Variants in SIN3B observed in about 807,000 individuals in gnomAD.
SIN3B encodes the protein paired amphipathic helix protein Sin3b.
SIN3B carries 19 observed loss-of-function variants against 120.2 expected under a neutral mutation model. The ratio of observed to expected loss-of-function variants is 0.16; its 90% CI spans 0.11 to 0.23. The LOEUF (loss-of-function observed/expected upper bound fraction) is 0.23. SIN3B is among the 10% of genes least tolerant of loss of function. The probability of loss-of-function intolerance (pLI) is 1.00; values close to 1 mark genes in which losing one functional copy is unlikely to be tolerated. For synonymous variants in SIN3B, 654 were observed against 653.2 expected, an observed-to-expected ratio of 1.00 and a Z score of -0.02; for missense variants, 1,073 against 1,573.0, an observed-to-expected ratio of 0.68 and a Z score of 5.38.
intron 14 of SIN3B, 146 bp from the exon 15 acceptor site, chr19:16,875,909 G>A (rs2051598182): frequency 1.0e-6 from 1 of 991,564 alleles, no homozygotes; most frequent in African/African-American, 1.6e-5. Context: ...TCTGCCCACA[G>A]CCTGTCAGGA....
intron 5 of SIN3B, among the ~76,000 whole-genome samples, chr19:16,847,873 G>A (rs1186659179): frequency 1.3e-5 from 2 of 152,244 alleles, no homozygotes; most frequent in African/African-American, 4.8e-5. Flanking sequence ...TCATCCCCCT[G>A]AAAGGAGACC....
intron 14 of SIN3B, among the ~76,000 whole-genome samples, chr19:16,873,432 G>A (rs1424045172): frequency 1.3e-5 from 2 of 152,086 alleles, no homozygotes; most frequent in African/African-American, 2.4e-5. Flanking sequence ...AAACACGCAC[G>A]GGGCAGCCTG....
rs551489883 is a variant in SIN3B, at chr19:16,847,203, T to C, written c.726+90T>C. The stretch of plus-strand genomic sequence containing the variant: ...TTGACCCATGTCCGGGCCAAGCCTA[T>C]GTACCCTCCAGGCCACACTAGGGTC... On this transcript the variant is annotated intron_variant, in intron 5 of 18. Transcript: ENST00000248054. 2.8e-6 allele frequency: 4 copies of C among 1,447,014 alleles called. No homozygotes were observed. The East Asian group carries it at 6.9e-5, about 25-fold the overall frequency. The allele number at this position is 1,447,014 out of a possible 1,614,324, so 89.6% of individuals were successfully genotyped here.
rs200505405 is a variant in SIN3B, at chr19:16,875,668, TTGGTC to T, written c.2593-361_2593-357del. Reference sequence around the variant, plus strand: ...TTTGGTCTGGTCTGGTCTGGTCTGTTTGGTCTGGTCTGGTCTGGTCTGGTCTGGTC... The same window carrying T: ...TTTGGTCTGGTCTGGTCTGGTCTGTTTGGTCTGGTCTGGTCTGGTCTGGTC... On this transcript the variant is annotated intron_variant, in intron 14 of 18. Coordinates refer to ENST00000248054, the MANE Select transcript of SIN3B (RefSeq NM_001297595.2). Among the ~76,000 whole-genome samples the T allele has an allele frequency of 5.6e-3, 819 of 146,860 alleles. 4 individuals are homozygous for T. Among genetic ancestry groups the T allele is most frequent in the East Asian group, 0.014 (68 of 4,920 alleles).
At position 16,876,304 on chromosome 19, in the gene SIN3B, G is replaced by A; in HGVS notation, c.2766+76G>A. The A allele has an allele frequency of 6.6e-7, 1 of 1,521,306 alleles. No individual in the cohort carries two copies. The highest frequency in any genetic ancestry group is 2.3e-5 in the East Asian group (1 of 43,880). The allele number at this position is 1,521,306 out of a possible 1,614,324, so 94.2% of individuals were successfully genotyped here. On this transcript the variant is annotated intron_variant, in intron 15 of 18. Transcript: ENST00000248054. This position sits in a 1 kb window ranked among gnomAD's most constrained non-coding sequence, Gnocchi z 7.1. ...TCCGCTCTGGACTCAGTCCTGGGTG[G>A]ACCCTGGTTCAGCGGCTGGGACACC...
rs779503558 is a variant in SIN3B, at chr19:16,876,029, C to T, written c.2593-26C>T. 351 of 1,534,064 alleles carry T rather than the reference C, an allele frequency of 2.3e-4. 1 individual carries two copies. Among genetic ancestry groups the T allele is most frequent in the Middle Eastern group, 8.7e-4 (5 of 5,726 alleles). On this transcript the variant is annotated intron_variant, in intron 14 of 18. Coordinates refer to ENST00000248054, the MANE Select transcript of SIN3B (RefSeq NM_001297595.2). The surrounding 1 kb of genome is among the most constrained non-coding windows in gnomAD (Gnocchi z 7.1). ...GGACTCCCGCAGGAGGCGGGGTGGC[C>T]GCACCACCTGCTTTCCTCCCGCCAG...
rs1227572766 is a variant in SIN3B at position 16,862,252 on chromosome 19, G to C, written c.1059-100G>C. On this transcript the variant is annotated intron_variant, in intron 8 of 18. Coordinates refer to ENST00000248054, the MANE Select transcript of SIN3B (RefSeq NM_001297595.2). The surrounding 1 kb of genome is among the most constrained non-coding windows in gnomAD (Gnocchi z 4.7). Reference sequence around the variant, plus strand: ...ATCCATGATGTTGAATTCTGACTCTGTTTAACTTGTAATGTCCACATGAAG... The same window carrying C: ...ATCCATGATGTTGAATTCTGACTCTCTTTAACTTGTAATGTCCACATGAAG... The C allele has an allele frequency of 1.1e-6, 1 of 906,594 alleles. No individual in the cohort carries two copies. Among genetic ancestry groups the C allele is most frequent in the Non-Finnish European group, 1.7e-6 (1 of 581,224 alleles). The allele number at this position is 906,594 out of a possible 1,614,324, so 56.2% of individuals were successfully genotyped here.
Position 16,841,714 on chromosome 19 carries a change from T to C in SIN3B, c.382-54T>C, listed in dbSNP as rs367743348. 84 of 1,546,356 alleles carry C rather than the reference T, an allele frequency of 5.4e-5. No individual in the cohort carries two copies. In the East Asian group the frequency reaches 9.5e-4, roughly 17 times the overall value. On this transcript the variant is annotated intron_variant, in intron 3 of 18. Coordinates refer to ENST00000248054, the MANE Select transcript of SIN3B (RefSeq NM_001297595.2). ...AGACAGTGGCTGGGCCTGGTGTTTT[T>C]CACAATCTGTTTCCAGTGTCGGGCC...
intron 5 of SIN3B, among the ~76,000 whole-genome samples, chr19:16,850,523 C>T (rs961380684): frequency 6.6e-6 from 1 of 152,052 alleles, no homozygotes; most frequent in Non-Finnish European, 1.5e-5. Flanking sequence ...AGTATCTGAT[C>T]GCTGCGGGCT....
chr19:16,860,468 TG>T (rs1020274912), intron 8 of SIN3B, among the ~76,000 whole-genome samples: 1 of 152,060 alleles, frequency 6.6e-6, no homozygotes, highest in African/African-American at 2.4e-5. Flanking sequence ...TGAGCAGGGT[TG>T]GCATAGGGTT....
At chr19:16,847,477 T>C (rs1011036129) in intron 5 of SIN3B, among the ~76,000 whole-genome samples, 7 of 152,252 alleles carry the variant, frequency 4.6e-5, no homozygotes, top group Admixed American at 1.3e-4. Context: ...GCAGGAGGGC[T>C]GGGTCCACAA....
In SIN3B at chr19:16,876,017, A is replaced by AGGC; in HGVS notation, c.2593-35_2593-33dup. The AGGC allele has an allele frequency of 6.6e-7, 1 of 1,526,254 alleles. No homozygotes were observed. Among genetic ancestry groups the AGGC allele is most frequent in the Non-Finnish European group, 8.8e-7 (1 of 1,134,170 alleles). 94.5% of individuals were successfully genotyped at this position (1,526,254 alleles called of 1,614,324 possible). ...TGGGTGAGGTGGGGACTCCCGCAGG[A>AGGC]GGCGGGGTGGCCGCACCACCTGCTT... On this transcript the variant is annotated intron_variant, in intron 14 of 18. Coordinates refer to ENST00000248054, the MANE Select transcript of SIN3B (RefSeq NM_001297595.2). The surrounding 1 kb of genome is among the most constrained non-coding windows in gnomAD (Gnocchi z 7.1).
chr19:16,870,263 C>T (rs1211287770), intron 13 of SIN3B, among the ~76,000 whole-genome samples, 188 bp downstream of exon 13: 2 of 152,234 alleles, frequency 1.3e-5, no homozygotes, highest in African/African-American at 2.4e-5. Flanking sequence ...ACCCCTCGCC[C>T]AGGCTCCCCT....
At chr19:16,838,633 C>T (rs1006271811) in intron 3 of SIN3B, among the ~76,000 whole-genome samples, 2 of 152,080 alleles carry the variant, frequency 1.3e-5, no homozygotes, top group African/African-American at 4.8e-5. Context: ...AGTGCTGCAA[C>T]GAACATTCAT....
rs1333507772 is a variant in SIN3B, at chr19:16,857,258, C to T, written c.1058+2997C>T. 2.0e-5 allele frequency among the ~76,000 whole-genome samples: 3 copies of T among 152,174 alleles called. No homozygotes were observed. In the South Asian group the frequency reaches 6.2e-4, roughly 31 times the overall value. On this transcript the variant is annotated intron_variant, in intron 8 of 18. Coordinates refer to ENST00000248054, the MANE Select transcript of SIN3B (RefSeq NM_001297595.2). ...CCAAAGATTCATTTGATGAATCTGA[C>T]TGTTCCAAAATAGACGATTCTGGTG... is the stretch of plus-strand genomic sequence containing the variant.
intron 8 of SIN3B, among the ~76,000 whole-genome samples, chr19:16,860,119 G>A (rs941245925): frequency 6.6e-6 from 1 of 152,206 alleles, no homozygotes; most frequent in African/African-American, 2.4e-5. Context: ...AGGGCGTTTG[G>A]GGAAGGGTCT....
Position 16,862,860 on chromosome 19 carries a change from T to C in SIN3B, c.1266+301T>C. 1.3e-6 allele frequency: 2 copies of C among 1,584,704 alleles called. No homozygotes were observed. The highest frequency in any genetic ancestry group is 1.7e-6 in the Non-Finnish European group (2 of 1,153,218). Reference sequence around the variant, plus strand: ...TGATTCTGCTCTGTCCCGGGCTCACTGACCTCAGTGTGTTTCTGTTTAGCT... The same window carrying C: ...TGATTCTGCTCTGTCCCGGGCTCACCGACCTCAGTGTGTTTCTGTTTAGCT... On this transcript the variant is annotated intron_variant, in intron 9 of 18. Coordinates refer to ENST00000248054, the MANE Select transcript of SIN3B (RefSeq NM_001297595.2). The surrounding 1 kb of genome is among the most constrained non-coding windows in gnomAD (Gnocchi z 4.7).
In SIN3B at chr19:16,851,616, G is replaced by A. The variant is rs77400109; in HGVS notation, c.849+82G>A. 4,182 of 1,482,890 alleles carry A rather than the reference G, an allele frequency of 2.8e-3. 110 individuals are homozygous for A. The African/African-American group carries it at 0.053, about 19-fold the overall frequency. The allele number at this position is 1,482,890 out of a possible 1,614,324, so 91.9% of individuals were successfully genotyped here. On this transcript the variant is annotated intron_variant, in intron 6 of 18. Coordinates refer to ENST00000248054, the MANE Select transcript of SIN3B (RefSeq NM_001297595.2). ...CTTCCCAGCATGTGACCAGGGAACA[G>A]AGGCCCCAGCAGGGGTTCGGGGCTG...
At chr19:16,852,400 C>T (rs1026936259) in intron 6 of SIN3B, among the ~76,000 whole-genome samples, 2 of 152,180 alleles carry the variant, frequency 1.3e-5, no homozygotes, top group African/African-American at 4.8e-5. Flanking sequence ...GTAGCTGGGA[C>T]CACAGGTGTG....
Sources: gnomAD v4.1 joint callset for allele counts (sites outside exome capture counted in the v4.1 genomes callset) on GRCh38, gnomAD v4.1.1 for gene constraint, Gnocchi (gnomAD v3.1) non-coding constraint, MANE v1.5 for transcripts, NCBI Gene and HGNC (gene_info 2026-07-23, HGNC 2026-07-21) for gene names.